The following VAT1L variants were observed in gnomAD, a reference collection of about 807,000 sequenced individuals.
VAT1L encodes putative NADPH-dependent quinone oxidoreductase VAT1L.
VAT1L carries 34 observed loss-of-function variants against 44.1 expected under a neutral mutation model. The observed-to-expected ratio is 0.77, with a 90% confidence interval of 0.59 to 1.03. The LOEUF (loss-of-function observed/expected upper bound fraction) is 1.03. Ranked by LOEUF, VAT1L falls within the 50% of genes least tolerant of loss-of-function variation. The pLI is 0.00. For missense variants in VAT1L, 615 were observed against 538.8 expected (o/e 1.14, Z -1.40); for synonymous variants, 253 against 202.2 (o/e 1.25, Z -2.13).
chr16:77,890,633 C>A (rs1156446575), intron 7 of VAT1L, among the ~76,000 whole-genome samples: 1 of 152,096 alleles, frequency 6.6e-6, no homozygotes, highest in East Asian at 1.9e-4. Flanking sequence ...CATTGAAGAC[C>A]TGATCTGGGC....
chr16:77,874,474 C>G (rs1482927161), intron 4 of VAT1L, among the ~76,000 whole-genome samples: 3 of 151,964 alleles, frequency 2.0e-5, no homozygotes, highest in African/African-American at 7.3e-5. Context: ...CAACCCGAAG[C>G]AAACACCCCT....
chr16:77,843,167 C>A (rs940527251), intron 3 of VAT1L, among the ~76,000 whole-genome samples: 2 of 152,174 alleles, frequency 1.3e-5, no homozygotes, highest in African/African-American at 4.8e-5. Flanking sequence ...TACGGGTCTA[C>A]CCATCTGCTC....
intron 7 of VAT1L, among the ~76,000 whole-genome samples, chr16:77,918,995 A>G (rs1276563277): frequency 6.6e-6 from 1 of 152,200 alleles, no homozygotes; most frequent in Non-Finnish European, 1.5e-5. Flanking sequence ...TGTTTATTCA[A>G]GAGAGTCGTG....
At chr16:77,970,342 A>G (rs1395593267) in intron 7 of VAT1L, among the ~76,000 whole-genome samples, 1 of 152,232 alleles carries the variant, frequency 6.6e-6, no homozygotes, top group African/African-American at 2.4e-5. Flanking sequence ...GACTGACGCT[A>G]AAGTTAAAAG....
intron 7 of VAT1L, among the ~76,000 whole-genome samples, chr16:77,899,051 A>G (rs2017353600): frequency 6.6e-6 from 1 of 152,366 alleles, no homozygotes; most frequent in Admixed American, 6.5e-5. Flanking sequence ...TCATGGCTAC[A>G]GTGTGATATC....
At chr16:77,828,624 C>T (rs2927598) in intron 3 of VAT1L, among the ~76,000 whole-genome samples, 145,913 of 152,212 alleles carry the variant, frequency 0.96, 69,961 homozygotes, top group East Asian at 1. Context: ...GATCGTGCCA[C>T]TGCACTCCAG....
chr16:77,977,426 C>T (rs913719037), intron 8 of VAT1L, among the ~76,000 whole-genome samples, 171 bp from the exon 9 acceptor site: 2 of 152,176 alleles, frequency 1.3e-5, no homozygotes, highest in Non-Finnish European at 2.9e-5. Context: ...ATCTCAGCAC[C>T]GTCTCTCAGG....
intron 7 of VAT1L, among the ~76,000 whole-genome samples, chr16:77,945,967 A>G (rs1033841292): frequency 3.3e-5 from 5 of 151,952 alleles, no homozygotes; most frequent in African/African-American, 1.2e-4. Flanking sequence ...ACGCCCACCT[A>G]ATTTTTGTAT....
intron 7 of VAT1L, among the ~76,000 whole-genome samples, chr16:77,895,305 C>T (rs79540477): frequency 0.041 from 6,180 of 151,968 alleles, 251 homozygotes; most frequent in East Asian, 0.16. Flanking sequence ...CTGTGACAGG[C>T]TGAAGAATGG....
At chr16:77,841,548 T>G (rs759994818) in intron 3 of VAT1L, among the ~76,000 whole-genome samples, 7 of 152,198 alleles carry the variant, frequency 4.6e-5, no homozygotes, top group Non-Finnish European at 8.8e-5. Flanking sequence ...TACCACCTCT[T>G]CTGTCTCACA....
Position 77,971,838 on chromosome 16 carries a change from C to A in VAT1L, c.1078-12C>A, listed in dbSNP as rs202190614. The A allele has an allele frequency of 2.5e-6, 4 of 1,611,356 alleles. No individual in the cohort carries two copies. The highest frequency in any genetic ancestry group is 1.3e-5 in the African/African-American group (1 of 74,924). The stretch of plus-strand genomic sequence containing the variant: ...CCTAACCAGCACCTCTGTTTCTCAC[C>A]TTTTCGCGCAGGTGAAGGAGGCCAT... On this transcript the variant is annotated splice_polypyrimidine_tract_variant and intron_variant, in intron 7 of 8. Transcript: ENST00000302536.
chr16:77,877,092 G>C (rs1464671964), intron 5 of VAT1L, among the ~76,000 whole-genome samples: 1 of 152,176 alleles, frequency 6.6e-6, no homozygotes, highest in African/African-American at 2.4e-5. Context: ...CTATGTCTTA[G>C]GAGTGGAAGA....
intron 7 of VAT1L, among the ~76,000 whole-genome samples, chr16:77,909,332 C>T (rs896727759): frequency 1.3e-5 from 2 of 152,094 alleles, no homozygotes; most frequent in African/African-American, 4.8e-5. Context: ...TGCCTCTCTG[C>T]AGTAAGGATT....
intron 7 of VAT1L, among the ~76,000 whole-genome samples, chr16:77,946,741 C>G (rs1168356748): frequency 6.6e-6 from 1 of 152,224 alleles, no homozygotes; most frequent in Non-Finnish European, 1.5e-5. Flanking sequence ...ACCTCCCCAA[C>G]TTACCAAACT....
At chr16:77,948,506 G>T (rs1484801782) in intron 7 of VAT1L, among the ~76,000 whole-genome samples, 1 of 152,132 alleles carries the variant, frequency 6.6e-6, no homozygotes, top group African/African-American at 2.4e-5. Flanking sequence ...GGGGAAGAAA[G>T]CTCAAAGTTC....
chr16:77,798,000 G>A (rs2015968978), intron 1 of VAT1L, among the ~76,000 whole-genome samples: 1 of 152,140 alleles, frequency 6.6e-6, no homozygotes, highest in Admixed American at 6.5e-5. Flanking sequence ...TTTTATCTTT[G>A]AACATGATAT....
At position 77,879,850 on chromosome 16, in the gene VAT1L, C is replaced by G. The variant is rs2017130802; in HGVS notation, c.882+626C>G. 6.6e-6 allele frequency among the ~76,000 whole-genome samples: 1 copy of G among 152,150 alleles called. No homozygotes were observed. Among genetic ancestry groups the G allele is most frequent in the Admixed American group, 6.5e-5 (1 of 15,270 alleles). ...TTAGCATTAGTGCATTTTCTTTGCT[C>G]CATAGAGCGGCCAGCCTTTCACTTT... On this transcript the variant is annotated intron_variant, in intron 6 of 8. Transcript: ENST00000302536. This position sits in a 1 kb window ranked among gnomAD's most constrained non-coding sequence, Gnocchi z 4.1.
chr16:77,848,593 G>A (rs909218767), intron 3 of VAT1L, among the ~76,000 whole-genome samples: 3 of 152,092 alleles, frequency 2.0e-5, no homozygotes, highest in African/African-American at 7.2e-5. Context: ...CAGGAGACAC[G>A]GTTACCATGC....
chr16:77,862,002 C>G (rs552152744), intron 3 of VAT1L, among the ~76,000 whole-genome samples: 1 of 152,206 alleles, frequency 6.6e-6, no homozygotes, highest in Non-Finnish European at 1.5e-5. Context: ...ACATCCAAAT[C>G]GTTATCTTAG....
Sources: allele counts gnomAD v4.1 joint callset (sites outside exome capture counted in the v4.1 genomes callset), GRCh38; gene constraint gnomAD v4.1.1; non-coding constraint Gnocchi (gnomAD v3.1); transcripts MANE v1.5; gene names NCBI Gene and HGNC (gene_info 2026-07-23, HGNC 2026-07-21).